The following SH2D4B variants were observed in gnomAD, a reference collection of about 807,000 sequenced individuals.
SH2D4B encodes SH2 domain containing 4B, also known as SH2 domain-containing protein 4B.
In SH2D4B, 45 loss-of-function variants were observed where a neutral mutation model predicts 61.5. The observed-to-expected ratio is 0.73, with a 90% confidence interval of 0.58 to 0.94. SH2D4B has a LOEUF of 0.94. SH2D4B is among the 40% of genes least tolerant of loss of function. The pLI is 0.00. For missense variants in SH2D4B, 572 were observed against 574.2 expected (o/e 1.00, Z 0.04); for synonymous variants, 224 against 220.4 (o/e 1.02, Z -0.14).
intron 1 of SH2D4B, among the ~76,000 whole-genome samples, chr10:80,561,560 T>C (rs1162417185): frequency 1.3e-5 from 2 of 152,216 alleles, no homozygotes; most frequent in Admixed American, 1.3e-4. Flanking sequence ...TTTTTAAATA[T>C]TAAACTTTTT....
At chr10:80,593,276 A>G (rs1338518576) in intron 4 of SH2D4B, among the ~76,000 whole-genome samples, 1 of 152,210 alleles carries the variant, frequency 6.6e-6, no homozygotes, top group Non-Finnish European at 1.5e-5. Flanking sequence ...AAATCTGTAG[A>G]TCAATTTGGA....
intron 3 of SH2D4B, among the ~76,000 whole-genome samples, chr10:80,572,988 T>TATA (rs1842080081): frequency 1.0e-3 from 11 of 11,048 alleles, no homozygotes; most frequent in Non-Finnish European, 1.4e-3. Flanking sequence ...ATATATATAT[T>TATA]TTTTTTTTTT....
Position 80,587,219 on chromosome 10 carries a change from T to C in SH2D4B, c.496-1411T>C, listed in dbSNP as rs971504349. ...GGCGCGATCTCGGCTCACTGCAACCTCTGCCTCCTGGGTTCAAGCCATTCT... is the reference window on the plus strand; with the variant it reads ...GGCGCGATCTCGGCTCACTGCAACCCCTGCCTCCTGGGTTCAAGCCATTCT... On this transcript the variant is annotated intron_variant, in intron 3 of 7. Coordinates refer to ENST00000646907, the MANE Select transcript of SH2D4B (RefSeq NM_001388272.1). Among the ~76,000 whole-genome samples, 3 of 134,564 alleles carry C rather than the reference T, an allele frequency of 2.2e-5. No individual in the cohort carries two copies. In the South Asian group the frequency reaches 7.6e-4, roughly 34 times the overall value. 88.3% of individuals were successfully genotyped at this position (134,564 alleles called of 152,430 possible).
chr10:80,632,962 G>A (rs1406762404), intron 6 of SH2D4B, among the ~76,000 whole-genome samples: 1 of 151,632 alleles, frequency 6.6e-6, no homozygotes, highest in Non-Finnish European at 1.5e-5. Flanking sequence ...TGTAAATCCT[G>A]GGCAAGGAGG....
At chr10:80,614,860 A>G (rs1842642968) in intron 6 of SH2D4B, among the ~76,000 whole-genome samples, 1 of 152,164 alleles carries the variant, frequency 6.6e-6, no homozygotes, top group Non-Finnish European at 1.5e-5. Flanking sequence ...GATGTTCTCC[A>G]CCCTGTGACT....
chr10:80,591,241 A>C lies in SH2D4B; in HGVS notation c.643+2464A>C, dbSNP rs760731811. Among the ~76,000 whole-genome samples the C allele has an allele frequency of 7.2e-5, 11 of 152,206 alleles. No individual in the cohort carries two copies. The South Asian group carries it at 2.3e-3, about 32-fold the overall frequency. On this transcript the variant is annotated intron_variant, in intron 4 of 7. Transcript: ENST00000646907. ...GTTTTTGTGTGAACATATATTTTCA[A>C]TTCTCTTGAGTATTACCTATATGCC...
rs926352967 is a variant in SH2D4B, at chr10:80,630,866, G to T, written c.989-3419G>T. 2.0e-5 allele frequency among the ~76,000 whole-genome samples: 3 copies of T among 152,192 alleles called. No individual in the cohort carries two copies. The East Asian group carries it at 5.8e-4, about 29-fold the overall frequency. On this transcript the variant is annotated intron_variant, in intron 6 of 7. Coordinates refer to ENST00000646907, the MANE Select transcript of SH2D4B (RefSeq NM_001388272.1). The stretch of plus-strand genomic sequence containing the variant: ...CAGTGCGATGAGCCCAGAGGGGTAG[G>T]TTGAGGCGGGGCATAGAGCCTGCTG...
At chr10:80,640,477 T>C (rs1840271764) in intron 7 of SH2D4B, among the ~76,000 whole-genome samples, 1 of 152,184 alleles carries the variant, frequency 6.6e-6, no homozygotes, top group African/African-American at 2.4e-5. Context: ...CTTGGAGGCT[T>C]TGTTCGGTTC....
intron 1 of SH2D4B, among the ~76,000 whole-genome samples, chr10:80,566,261 T>A (rs1481705565): frequency 1.3e-5 from 2 of 151,474 alleles, no homozygotes; most frequent in Non-Finnish European, 2.9e-5. Context: ...CACTTGCCAA[T>A]GAGAATAATA....
chr10:80,561,254 A>G (rs1316185212), intron 1 of SH2D4B, among the ~76,000 whole-genome samples: 2 of 152,246 alleles, frequency 1.3e-5, no homozygotes, highest in African/African-American at 2.4e-5. Context: ...ATTCATGCCA[A>G]TGATAAAAAT....
chr10:80,601,581 T>A (rs529638545), intron 4 of SH2D4B, among the ~76,000 whole-genome samples: 1 of 152,278 alleles, frequency 6.6e-6, no homozygotes, highest in South Asian at 2.1e-4. Flanking sequence ...CAAAGCAAAC[T>A]CTCCACCTGC....
intron 5 of SH2D4B, among the ~76,000 whole-genome samples, chr10:80,604,631 C>A (rs1350481685): frequency 3.3e-5 from 5 of 151,478 alleles, no homozygotes; most frequent in Non-Finnish European, 7.4e-5. Flanking sequence ...CAGTTGATGT[C>A]TTCATTTCTT....
intron 3 of SH2D4B, among the ~76,000 whole-genome samples, chr10:80,587,996 C>A (rs1291134661): frequency 6.6e-6 from 1 of 152,170 alleles, no homozygotes; most frequent in Non-Finnish European, 1.5e-5. Flanking sequence ...TCACCACCAC[C>A]TTGTCAGTTA....
At chr10:80,605,734 G>T (rs921463043) in intron 5 of SH2D4B, among the ~76,000 whole-genome samples, 1 of 152,080 alleles carries the variant, frequency 6.6e-6, no homozygotes, top group East Asian at 1.9e-4. Context: ...GGTCAGGCTG[G>T]TCTCGAACTC....
At chr10:80,571,776 CTTT>C (rs11394733) in intron 3 of SH2D4B, among the ~76,000 whole-genome samples, 198 bp downstream of exon 3, 2 of 135,618 alleles carry the variant, frequency 1.5e-5, no homozygotes, top group Admixed American at 7.5e-5. Flanking sequence ...TTTTTTTTTT[CTTT>C]TTTTTTTTTT....
intron 6 of SH2D4B, among the ~76,000 whole-genome samples, chr10:80,632,700 T>A (rs115373085): frequency 0.016 from 2,392 of 152,132 alleles, 71 homozygotes; most frequent in African/African-American, 0.055. Flanking sequence ...TGAAGGACAG[T>A]GCCAACTTTT....
intron 4 of SH2D4B, among the ~76,000 whole-genome samples, chr10:80,599,862 C>T (rs551474505): frequency 6.6e-6 from 1 of 152,286 alleles, no homozygotes; most frequent in South Asian, 2.1e-4. Context: ...CCCTAGGGGT[C>T]AGAGGCTTTT....
At chr10:80,549,436 C>G (rs1370890874) in intron 1 of SH2D4B, among the ~76,000 whole-genome samples, 1 of 152,200 alleles carries the variant, frequency 6.6e-6, no homozygotes, top group African/African-American at 2.4e-5. Context: ...TGCCTCCATA[C>G]AGCAGCCAGA....
At chr10:80,562,680 AT>A (rs1028288771) in intron 1 of SH2D4B, among the ~76,000 whole-genome samples, 8 of 151,970 alleles carry the variant, frequency 5.3e-5, no homozygotes, top group African/African-American at 1.7e-4. Flanking sequence ...TCAATTTGTA[AT>A]TTTTTTCAGG....
Sources: gnomAD v4.1 joint callset for allele counts (sites outside exome capture counted in the v4.1 genomes callset) on GRCh38, gnomAD v4.1.1 for gene constraint, MANE v1.5 for transcripts, NCBI Gene and HGNC (gene_info 2026-07-23, HGNC 2026-07-21) for gene names.